Variants in THADA observed in about 807,000 individuals in gnomAD.
THADA encodes tRNA (32-2'-O)-methyltransferase regulator THADA.
THADA carries 213 observed loss-of-function variants against 219.8 expected under a neutral mutation model. That is an observed-to-expected ratio of 0.97 (90% CI 0.87 to 1.09). The LOEUF (loss-of-function observed/expected upper bound fraction) is 1.09. THADA is among the 50% of genes least tolerant of loss of function. The probability of loss-of-function intolerance (pLI) is 0.00; values close to 1 mark genes in which losing one functional copy is unlikely to be tolerated. For missense variants in THADA, 2,956 were observed against 2,311.3 expected (o/e 1.28, Z -5.72); for synonymous variants, 1,018 against 828.9 (o/e 1.23, Z -3.92).
chr2:43,327,424 G>T (rs1679457428), intron 30 of THADA, among the ~76,000 whole-genome samples: 2 of 145,700 alleles, frequency 1.4e-5, no homozygotes, highest in African/African-American at 2.5e-5. Flanking sequence ...AAAAGTGGGT[G>T]AGAGGCAAAG....
At chr2:43,363,802 A>T (rs917533946) in intron 29 of THADA, among the ~76,000 whole-genome samples, 2 of 152,164 alleles carry the variant, frequency 1.3e-5, no homozygotes, top group African/African-American at 4.8e-5. Flanking sequence ...CTAGTATTTA[A>T]ATAAGCCAGC....
chr2:43,567,556 G>A (rs1698830258), intron 14 of THADA, among the ~76,000 whole-genome samples: 2 of 152,186 alleles, frequency 1.3e-5, no homozygotes, highest in African/African-American at 4.8e-5. Context: ...GAACCCAGGA[G>A]GCAGAGGTTG....
chr2:43,592,405 T>G lies in THADA; in HGVS notation c.-13A>C, dbSNP rs1701674871. 1 of 1,567,926 alleles carries G rather than the reference T, an allele frequency of 6.4e-7. No individual in the cohort carries two copies. The highest frequency in any genetic ancestry group is 8.7e-7 in the Non-Finnish European group (1 of 1,148,604). The stretch of plus-strand genomic sequence containing the variant: ...TCTTTACACCCATTTTAAATAGAAT[T>G]AATAGTAGTCACTGCAAGAAAGAAG... On this transcript the variant is annotated 5_prime_UTR_variant, in exon 2 of 38. Coordinates refer to ENST00000405975, the MANE Select transcript of THADA (RefSeq NM_022065.5).
chr2:43,307,122 GT>G (rs1458731378), intron 31 of THADA, among the ~76,000 whole-genome samples: 1 of 152,156 alleles, frequency 6.6e-6, no homozygotes, highest in African/African-American at 2.4e-5. Context: ...TGAAATTATT[GT>G]TTTTAATCAT....
intron 26 of THADA, among the ~76,000 whole-genome samples, chr2:43,455,052 T>C (rs943679578): frequency 6.6e-6 from 1 of 152,186 alleles, no homozygotes; most frequent in Non-Finnish European, 1.5e-5. Flanking sequence ...ACTTGATAAT[T>C]TTCTGCCCTC....
At chr2:43,380,839 C>T (rs1671922559) in intron 29 of THADA, among the ~76,000 whole-genome samples, 1 of 152,142 alleles carries the variant, frequency 6.6e-6, no homozygotes, top group Non-Finnish European at 1.5e-5. Flanking sequence ...TGGCTCACGC[C>T]TGTAATCCCA....
At chr2:43,365,704 T>C (rs1436463945) in intron 29 of THADA, among the ~76,000 whole-genome samples, 1 of 151,668 alleles carries the variant, frequency 6.6e-6, no homozygotes, top group African/African-American at 2.4e-5. Context: ...GGTACAGAAG[T>C]AGATGATACC....
At chr2:43,552,420 T>G in intron 17 of THADA, 81 bp from the exon 18 acceptor site, 1 of 1,403,174 alleles carries the variant, frequency 7.1e-7, no homozygotes, top group Non-Finnish European at 9.6e-7. Flanking sequence ...TAGTTCCCAT[T>G]AATATGGCCA....
At chr2:43,534,487 C>A (rs1303212577) in intron 21 of THADA, among the ~76,000 whole-genome samples, 1 of 152,076 alleles carries the variant, frequency 6.6e-6, no homozygotes, top group Non-Finnish European at 1.5e-5. Context: ...ACCCTCTCAA[C>A]TACTCTTCCC....
At position 43,489,785 on chromosome 2, in the gene THADA, G is replaced by A. The variant is rs781689741; in HGVS notation, c.3745-4460C>T. Reference sequence around the variant, plus strand: ...TGCTTTGCATTAAGTTTTGAAATTGGGACCTGTGGGGCCTCCAACTTTGTT... The same window carrying A: ...TGCTTTGCATTAAGTTTTGAAATTGAGACCTGTGGGGCCTCCAACTTTGTT... On this transcript the variant is annotated intron_variant, in intron 25 of 37. Transcript: ENST00000405975. 1.4e-4 allele frequency among the ~76,000 whole-genome samples: 21 copies of A among 150,814 alleles called. 1 individual carries two copies. The highest frequency in any genetic ancestry group is 2.2e-4 in the Non-Finnish European group (15 of 67,862).
intron 20 of THADA, among the ~76,000 whole-genome samples, chr2:43,548,974 A>T (rs2103865175): frequency 6.6e-6 from 1 of 152,280 alleles, no homozygotes; most frequent in South Asian, 2.1e-4. Context: ...TCCCGCTGGG[A>T]GCTGTAGACT....
chr2:43,390,022 A>C (rs1673164750), intron 29 of THADA, among the ~76,000 whole-genome samples: 1 of 152,204 alleles, frequency 6.6e-6, no homozygotes, highest in Non-Finnish European at 1.5e-5. Context: ...TTAACTTCTC[A>C]ATAAATATTT....
At chr2:43,582,007 T>A in intron 7 of THADA, 79 bp from the exon 8 acceptor site, 3 of 1,103,386 alleles carry the variant, frequency 2.7e-6, no homozygotes, top group Non-Finnish European at 3.7e-6. Flanking sequence ...GCAAAATAAA[T>A]ACATTCCTCA....
In THADA at chr2:43,592,195, C is replaced by T. The variant is rs560593585; in HGVS notation, c.76+122G>A. On this transcript the variant is annotated intron_variant, in intron 2 of 37. Transcript: ENST00000405975. ...ACAGAATTTTAAGAAAATTGTTTTA[C>T]ATCCAAAACATAAGGAAAAATATAA... The T allele has an allele frequency of 3.0e-4, 295 of 983,440 alleles. No individual in the cohort carries two copies. In the African/African-American group the frequency reaches 3.0e-3, roughly 10 times the overall value. The allele number at this position is 983,440 out of a possible 1,614,324, so 60.9% of individuals were successfully genotyped here. A position where few individuals can be genotyped will look rare whatever the true frequency, so the allele number is the denominator to read the frequency against.
intron 28 of THADA, among the ~76,000 whole-genome samples, chr2:43,420,726 G>A (rs1437600076): frequency 6.6e-6 from 1 of 152,172 alleles, no homozygotes; most frequent in Non-Finnish European, 1.5e-5. Context: ...AAATGAAGTT[G>A]GCCAGGCCCC....
At chr2:43,265,038 G>T (rs1212089318) in intron 36 of THADA, among the ~76,000 whole-genome samples, 1 of 152,240 alleles carries the variant, frequency 6.6e-6, no homozygotes, top group Non-Finnish European at 1.5e-5. Flanking sequence ...GCTTCTGCAG[G>T]TTCTGATCCC....
At position 43,568,941 on chromosome 2, in the gene THADA, A is replaced by G. The variant is rs114348645; in HGVS notation, c.2187+1447T>C. ...TCCTACACACACACTGGGGGCTTCA[A>G]TATATATTCTAGTCACTTTTAAAAT... On this transcript the variant is annotated intron_variant, in intron 14 of 37. Coordinates refer to ENST00000405975, the MANE Select transcript of THADA (RefSeq NM_022065.5). 4.5e-3 allele frequency among the ~76,000 whole-genome samples: 685 copies of G among 152,180 alleles called. 6 individuals carry two copies. The highest frequency in any genetic ancestry group is 0.016 in the African/African-American group (651 of 41,514).
chr2:43,522,397 C>T (rs1330139065), intron 22 of THADA, among the ~76,000 whole-genome samples: 1 of 152,002 alleles, frequency 6.6e-6, no homozygotes, highest in Non-Finnish European at 1.5e-5. Context: ...AATACAATGA[C>T]CAAATCTAAA....
chr2:43,580,334 C>T (rs908191523), intron 8 of THADA, among the ~76,000 whole-genome samples: 21 of 152,006 alleles, frequency 1.4e-4, no homozygotes, highest in Admixed American at 9.2e-4. Context: ...CCACCACACC[C>T]GGCCGAAGTT....
Sources: allele counts gnomAD v4.1 joint callset (sites outside exome capture counted in the v4.1 genomes callset), GRCh38; gene constraint gnomAD v4.1.1; transcripts MANE v1.5; gene names NCBI Gene and HGNC (gene_info 2026-07-23, HGNC 2026-07-21).